The following OPCML variants were observed in gnomAD, a reference collection of about 807,000 sequenced individuals.
OPCML encodes the protein opioid-binding protein/cell adhesion molecule.
In OPCML, 13 loss-of-function variants were observed where a neutral mutation model predicts 37.8. That is an observed-to-expected ratio of 0.34 (90% CI 0.22 to 0.55). The LOEUF is 0.55. OPCML is among the 20% of genes least tolerant of loss of function. OPCML has a pLI of 0.91. For synonymous variants in OPCML, 176 were observed against 168.8 expected, an observed-to-expected ratio of 1.04 and a Z score of -0.33; for missense variants, 341 against 435.6, an observed-to-expected ratio of 0.78 and a Z score of 1.93.
Position 133,059,726 on chromosome 11 carries a change from G to A in OPCML, c.62-116716C>T, listed in dbSNP as rs114527406. Among the ~76,000 whole-genome samples the A allele has an allele frequency of 2.7e-3, 414 of 152,312 alleles. 2 individuals carry two copies. The highest frequency in any genetic ancestry group is 9.5e-3 in the African/African-American group (395 of 41,564). ...CTCAAGAAAACATTCTTTTGTTTGA[G>A]TTGCAAGCTGAGCTAGCCACTGTTT... On this transcript the variant is annotated intron_variant, in intron 1 of 7. Transcript: ENST00000524381.
chr11:132,836,926 T>A (rs981289444), intron 2 of OPCML, among the ~76,000 whole-genome samples: 1 of 152,072 alleles, frequency 6.6e-6, no homozygotes, highest in Non-Finnish European at 1.5e-5. Flanking sequence ...ATCCTACATA[T>A]GTAAATGCCA....
chr11:133,163,773 A>G (rs73596455), intron 1 of OPCML, among the ~76,000 whole-genome samples: 2,722 of 152,296 alleles, frequency 0.018, 84 homozygotes, highest in African/African-American at 0.062. Flanking sequence ...TAATTCCGCT[A>G]TAATTATACT....
rs1249350665 is a variant in OPCML at position 132,621,517 on chromosome 11, T to A, written c.379+35570A>T. On this transcript the variant is annotated intron_variant, in intron 3 of 7. Coordinates refer to ENST00000524381, the MANE Select transcript of OPCML (RefSeq NM_001012393.5). The stretch of plus-strand genomic sequence containing the variant: ...ACAGCATGGAAGGATATCACAGATA[T>A]TATGTTGAGTGAAGGAAGCTGCACA... Among the ~76,000 whole-genome samples the A allele has an allele frequency of 2.0e-5, 3 of 152,178 alleles. No individual in the cohort carries two copies. The East Asian group carries it at 5.8e-4, about 29-fold the overall frequency.
At chr11:133,085,100 T>G (rs1321832829) in intron 1 of OPCML, among the ~76,000 whole-genome samples, 1 of 152,196 alleles carries the variant, frequency 6.6e-6, no homozygotes, top group Non-Finnish European at 1.5e-5. Context: ...AATGTTGAAG[T>G]TCATCCTTCC....
intron 1 of OPCML, among the ~76,000 whole-genome samples, chr11:133,484,073 GATAGATAGAT>G (rs1947470010): frequency 7.4e-6 from 1 of 135,438 alleles, no homozygotes; most frequent in Non-Finnish European, 1.5e-5. Flanking sequence ...TAGATAGATA[GATAGATAGAT>G]TCATAGATGA....
At chr11:132,575,157 T>C (rs2096447425) in intron 3 of OPCML, among the ~76,000 whole-genome samples, 3 of 152,032 alleles carry the variant, frequency 2.0e-5, no homozygotes, top group Non-Finnish European at 1.5e-5. Context: ...AAATCTCAAA[T>C]GATTTTCCCC....
chr11:132,727,362 G>A (rs897804542), intron 2 of OPCML, among the ~76,000 whole-genome samples: 2 of 152,250 alleles, frequency 1.3e-5, no homozygotes, highest in South Asian at 2.1e-4. Context: ...CATTTCTCCC[G>A]GTAACTTGTG....
At chr11:132,480,119 GAA>G (rs1156817499) in intron 4 of OPCML, among the ~76,000 whole-genome samples, 1 of 152,000 alleles carries the variant, frequency 6.6e-6, no homozygotes, top group Non-Finnish European at 1.5e-5. Context: ...TGAAAACTTT[GAA>G]AAAAATTTAG....
chr11:133,318,459 C>T (rs774994622), intron 1 of OPCML, among the ~76,000 whole-genome samples: 1 of 152,056 alleles, frequency 6.6e-6, no homozygotes, highest in Non-Finnish European at 1.5e-5. Context: ...TAGTTAGAAT[C>T]GCCATGACCC....
Position 132,523,456 on chromosome 11 carries a change from T to C in OPCML, c.505+5605A>G, listed in dbSNP as rs113360979. ...CTCAGAGAAGGCCCTTTCCCACCAC[T>C]AGTTCTTATTTAGGACTAATCAACT... is the stretch of plus-strand genomic sequence containing the variant. On this transcript the variant is annotated intron_variant, in intron 4 of 7. Coordinates refer to ENST00000524381, the MANE Select transcript of OPCML (RefSeq NM_001012393.5). Among the ~76,000 whole-genome samples, 522 of 62,196 alleles carry C rather than the reference T, an allele frequency of 8.4e-3. 3 individuals carry two copies. The highest frequency in any genetic ancestry group is 0.016 in the African/African-American group (502 of 31,346). The allele number at this position is 62,196 out of a possible 152,430, so 40.8% of individuals were successfully genotyped here.
chr11:133,324,538 G>A (rs1320422928), intron 1 of OPCML, among the ~76,000 whole-genome samples: 3 of 152,166 alleles, frequency 2.0e-5, no homozygotes, highest in Non-Finnish European at 4.4e-5. Context: ...CCATACTGCT[G>A]GGGAGGGAAG....
intron 3 of OPCML, among the ~76,000 whole-genome samples, chr11:132,538,666 C>T (rs2096347297): frequency 6.6e-6 from 1 of 152,188 alleles, no homozygotes; most frequent in African/African-American, 2.4e-5. Flanking sequence ...CATGTGACTT[C>T]TCAGAAAATA....
chr11:132,768,258 A>G (rs1052533879), intron 2 of OPCML, among the ~76,000 whole-genome samples: 1 of 152,186 alleles, frequency 6.6e-6, no homozygotes, highest in Non-Finnish European at 1.5e-5. Flanking sequence ...CACCCTGCCC[A>G]GTTTAGATTC....
At chr11:133,221,162 G>A (rs749870201) in intron 1 of OPCML, among the ~76,000 whole-genome samples, 39 of 152,196 alleles carry the variant, frequency 2.6e-4, no homozygotes, top group African/African-American at 6.5e-4. Flanking sequence ...GCCATACCCC[G>A]TCAACCACCC....
chr11:132,873,819 TA>T (rs5795807), intron 2 of OPCML, among the ~76,000 whole-genome samples: 21,321 of 149,068 alleles, frequency 0.14, 1,716 homozygotes, highest in Middle Eastern at 0.18. Context: ...CTAAATCAAA[TA>T]AAAAAAATTA....
At position 133,261,971 on chromosome 11, in the gene OPCML, C is replaced by T. The variant is rs149012992; in HGVS notation, c.61+270293G>A. On this transcript the variant is annotated intron_variant, in intron 1 of 7. Coordinates refer to ENST00000524381, the MANE Select transcript of OPCML (RefSeq NM_001012393.5). ...TTGATCTCATCCGGGCACCATTGTT[C>T]CTGTCCTGCCCTGCCGTGGGTGGCT... is the stretch of plus-strand genomic sequence containing the variant. 5.9e-5 allele frequency among the ~76,000 whole-genome samples: 9 copies of T among 152,286 alleles called. No homozygotes were observed. In the East Asian group the frequency reaches 1.5e-3, roughly 26 times the overall value.
chr11:132,909,579 T>C (rs1414650242), intron 2 of OPCML, among the ~76,000 whole-genome samples: 1 of 152,196 alleles, frequency 6.6e-6, no homozygotes. Context: ...GCCTCCCAAC[T>C]GACCAGGCTT....
Position 132,491,924 on chromosome 11 carries a change from ATTTTT to A in OPCML, c.505+37132_505+37136del, listed in dbSNP as rs780995319. 5.6e-3 allele frequency among the ~76,000 whole-genome samples: 740 copies of A among 133,224 alleles called. 8 individuals are homozygous for A. Among genetic ancestry groups the A allele is most frequent in the African/African-American group, 0.02 (701 of 35,670 alleles). The allele number at this position is 133,224 out of a possible 152,430, so 87.4% of individuals were successfully genotyped here. A position where few individuals can be genotyped will look rare whatever the true frequency, so the allele number is the denominator to read the frequency against. On this transcript the variant is annotated intron_variant, in intron 4 of 7. Transcript: ENST00000524381. ...GTAGGTGGGGTTTGGGACATACCTA[ATTTTT>A]TTTTTTTTTTTTTTTTTACTATCCA...
At chr11:133,091,109 T>G (rs1948898672) in intron 1 of OPCML, among the ~76,000 whole-genome samples, 1 of 152,184 alleles carries the variant, frequency 6.6e-6, no homozygotes, top group Non-Finnish European at 1.5e-5. Flanking sequence ...TTCCTTGGCT[T>G]CCCCAGCTGT....
Sources: gnomAD v4.1 joint callset for allele counts (sites outside exome capture counted in the v4.1 genomes callset) on GRCh38, gnomAD v4.1.1 for gene constraint, MANE v1.5 for transcripts, NCBI Gene and HGNC (gene_info 2026-07-23, HGNC 2026-07-21) for gene names.